Variants in COL22A1 observed in about 807,000 individuals in gnomAD.
The protein encoded by COL22A1 is collagen type XXII alpha 1 chain, also known as collagen alpha-1(XXII) chain.
In COL22A1, 221 loss-of-function variants were observed where a neutral mutation model predicts 248.9. The observed-to-expected ratio is 0.89, with a 90% CI of 0.80 to 0.99. The LOEUF (loss-of-function observed/expected upper bound fraction) is 0.99, where lower values mean the gene tolerates loss of function less well. Ranked by LOEUF, COL22A1 falls within the 50% of genes least tolerant of loss-of-function variation. The pLI, the probability that COL22A1 is intolerant of heterozygous loss-of-function variation, is 0.00. For synonymous variants in COL22A1, 891 were observed against 793.4 expected, an observed-to-expected ratio of 1.12 and a Z score of -2.07; for missense variants, 2,240 against 2,179.0, an observed-to-expected ratio of 1.03 and a Z score of -0.56.
rs1216593488 is a variant in COL22A1, at chr8:138,694,879, C to T, written c.2593G>A (p.Gly865Arg). The T allele has an allele frequency of 1.9e-6, 3 of 1,613,818 alleles. No homozygotes were observed. The highest frequency in any genetic ancestry group is 2.5e-6 in the Non-Finnish European group (3 of 1,179,930). ...TTCTCTCCTTTGGGCCCTTGTTCTCCCTGTTGGTGAGAAGCATAGGGTAGA... is the reference window on the plus strand; with the variant it reads ...TTCTCTCCTTTGGGCCCTTGTTCTCTCTGTTGGTGAGAAGCATAGGGTAGA... ...SLFTPHPRMP[G>R]EQGPKGEKGD... Residue 865 changes from glycine to arginine, a missense_variant and splice_region_variant, in exon 33 of 65, where the codon GGA becomes AGA. By Grantham distance (125) the Gly-to-Arg change is moderately radical (BLOSUM62 -2). Coordinates refer to ENST00000303045, the MANE Select transcript of COL22A1 (RefSeq NM_152888.3).
chr8:138,778,125 A>G, intron 15 of COL22A1: 1 of 602,436 alleles, frequency 1.7e-6, no homozygotes, highest in Non-Finnish European at 3.0e-6. Flanking sequence ...TCTTGATGTG[A>G]GAAAGGGGTC....
intron 4 of COL22A1, among the ~76,000 whole-genome samples, chr8:138,839,599 G>A (rs1198843161): frequency 1.3e-5 from 2 of 152,122 alleles, no homozygotes; most frequent in South Asian, 2.1e-4. Flanking sequence ...GGAACTGGAG[G>A]GCAGAGATGA....
intron 5 of COL22A1, 133 bp downstream of exon 5, chr8:138,832,906 C>T: frequency 1.6e-6 from 1 of 614,084 alleles, no homozygotes; most frequent in African/African-American, 1.8e-5. Context: ...TGCTTCATCG[C>T]AGGGCAACCT....
chr8:138,600,841 A>G (rs1256661439), intron 60 of COL22A1, among the ~76,000 whole-genome samples: 1 of 152,212 alleles, frequency 6.6e-6, no homozygotes, highest in Non-Finnish European at 1.5e-5. Context: ...GGGGTCTAGT[A>G]AAGTCCTGAT....
At chr8:138,792,100 T>C (rs1816100695) in intron 12 of COL22A1, among the ~76,000 whole-genome samples, 1 of 152,188 alleles carries the variant, frequency 6.6e-6, no homozygotes, top group Non-Finnish European at 1.5e-5. Flanking sequence ...TGTGGGACAT[T>C]TTGCCCCCAT....
At chr8:138,600,831 G>A (rs374655846) in intron 60 of COL22A1, among the ~76,000 whole-genome samples, 20 of 152,304 alleles carry the variant, frequency 1.3e-4, no homozygotes, top group African/African-American at 4.8e-4. Flanking sequence ...CTTGAATTCA[G>A]GGGTCTAGTA....
In COL22A1 at chr8:138,705,770, C is replaced by T. The variant is rs565908555; in HGVS notation, c.2518-2423G>A. ...AACATCATAATGACAGGATCAAATTCACACATAACAATATTAACCTTAAAT... is the reference window on the plus strand; with the variant it reads ...AACATCATAATGACAGGATCAAATTTACACATAACAATATTAACCTTAAAT... On this transcript the variant is annotated intron_variant, in intron 30 of 64. Transcript: ENST00000303045. Among the ~76,000 whole-genome samples the T allele has an allele frequency of 2.0e-5, 3 of 152,298 alleles. No individual in the cohort carries two copies. In the South Asian group the frequency reaches 6.2e-4, roughly 32 times the overall value.
At chr8:138,717,671 G>A (rs890598765) in intron 27 of COL22A1, among the ~76,000 whole-genome samples, 4 of 152,114 alleles carry the variant, frequency 2.6e-5, no homozygotes, top group Non-Finnish European at 5.9e-5. Flanking sequence ...CACTGTGTTG[G>A]CCAGGTTTAG....
chr8:138,906,467 T>G (rs550872784), intron 1 of COL22A1, among the ~76,000 whole-genome samples: 1 of 152,138 alleles, frequency 6.6e-6, no homozygotes, highest in Admixed American at 6.5e-5. Flanking sequence ...GGAACAATGA[T>G]GCGCACAGAG....
At chr8:138,718,496 T>C (rs1473971339) in intron 27 of COL22A1, among the ~76,000 whole-genome samples, 1 of 152,234 alleles carries the variant, frequency 6.6e-6, no homozygotes, top group African/African-American at 2.4e-5. Flanking sequence ...TGAAACGGTA[T>C]CTTCTTGAAT....
At chr8:138,780,165 G>A (rs115134376) in intron 13 of COL22A1, among the ~76,000 whole-genome samples, 3,379 of 152,250 alleles carry the variant, frequency 0.022, 114 homozygotes, top group African/African-American at 0.072. Context: ...CCACCCTGAC[G>A]GTTGTCTTCA....
intron 3 of COL22A1, among the ~76,000 whole-genome samples, chr8:138,856,665 A>T (rs72731634): frequency 0.16 from 24,022 of 150,696 alleles, 2,123 homozygotes; most frequent in South Asian, 0.25. Flanking sequence ...ACACAGCAAG[A>T]GAGAGAGACA....
intron 30 of COL22A1, among the ~76,000 whole-genome samples, chr8:138,707,192 G>A (rs906213726): frequency 1.3e-5 from 2 of 152,078 alleles, no homozygotes; most frequent in Admixed American, 6.6e-5. Context: ...ATTCACAGCC[G>A]AATTCTACCA....
chr8:138,802,561 T>C (rs1817086792), intron 11 of COL22A1, among the ~76,000 whole-genome samples: 2 of 152,064 alleles, frequency 1.3e-5, no homozygotes, highest in Admixed American at 6.5e-5. Flanking sequence ...AGAGCCTGTG[T>C]AATGGCCAGA....
At chr8:138,724,331 A>T (rs1171234684) in intron 25 of COL22A1, among the ~76,000 whole-genome samples, 3 of 152,184 alleles carry the variant, frequency 2.0e-5, no homozygotes, top group Non-Finnish European at 4.4e-5. Flanking sequence ...GGACTCTTGA[A>T]TGTGTCTTTT....
At chr8:138,899,145 C>T (rs759518376) in intron 1 of COL22A1, among the ~76,000 whole-genome samples, 2 of 152,136 alleles carry the variant, frequency 1.3e-5, no homozygotes, top group African/African-American at 4.8e-5. Context: ...CCTCTTTATT[C>T]TCCCCTTTCT....
intron 37 of COL22A1, among the ~76,000 whole-genome samples, chr8:138,688,030 C>T (rs755396895): frequency 5.9e-5 from 9 of 152,290 alleles, no homozygotes; most frequent in South Asian, 2.1e-4. Context: ...CAGGTCCAAA[C>T]GCTGAATCAT....
chr8:138,810,569 A>T (rs1818126186), intron 9 of COL22A1, among the ~76,000 whole-genome samples: 1 of 152,204 alleles, frequency 6.6e-6, no homozygotes, highest in Non-Finnish European at 1.5e-5. Flanking sequence ...AAGGTCACCC[A>T]CTAACCAGAA....
chr8:138,748,186 C>T (rs1563706388), intron 22 of COL22A1, among the ~76,000 whole-genome samples: 1 of 152,148 alleles, frequency 6.6e-6, no homozygotes, highest in Non-Finnish European at 1.5e-5. Context: ...TATTTCCAGC[C>T]CCCCGGCTCC....
Sources: allele counts gnomAD v4.1 joint callset (sites outside exome capture counted in the v4.1 genomes callset), GRCh38; gene constraint gnomAD v4.1.1; transcripts MANE v1.5; gene names NCBI Gene and HGNC (gene_info 2026-07-23, HGNC 2026-07-21).